Variants in RALYL observed in about 807,000 individuals in gnomAD.
RALYL encodes the protein RALY RNA binding protein like.
A neutral mutation model predicts 35.1 loss-of-function variants in RALYL; 29 were observed. The observed-to-expected ratio is 0.83, with a 90% CI of 0.61 to 1.13. The LOEUF (loss-of-function observed/expected upper bound fraction) is 1.13, where lower values mean the gene tolerates loss of function less well. Among genes scored for constraint, RALYL ranks in the 50% most tolerant of loss-of-function variants. RALYL has a pLI of 0.00. For synonymous variants in RALYL, 120 were observed against 127.6 expected (o/e 0.94, Z 0.40); for missense variants, 359 against 360.4 (o/e 1.00, Z 0.03).
At chr8:84,812,001 A>G (rs1826014405) in intron 4 of RALYL, among the ~76,000 whole-genome samples, 1 of 152,030 alleles carries the variant, frequency 6.6e-6, no homozygotes, top group Non-Finnish European at 1.5e-5. Context: ...TTTTTCAGGT[A>G]AATCGGGGAT....
chr8:84,692,042 A>G (rs1208201075), intron 2 of RALYL, among the ~76,000 whole-genome samples: 1 of 152,038 alleles, frequency 6.6e-6, no homozygotes, highest in Non-Finnish European at 1.5e-5. Context: ...TGATTTTTAA[A>G]AAAAACTTTG....
At chr8:84,917,599 C>T (rs1362247939) in intron 8 of RALYL, among the ~76,000 whole-genome samples, 1 of 150,712 alleles carries the variant, frequency 6.6e-6, no homozygotes, top group Non-Finnish European at 1.5e-5. Context: ...GTTAAAATCT[C>T]AGATGATTCT....
intron 4 of RALYL, 46 bp from the exon 5 acceptor site, chr8:84,849,934 T>C: frequency 2.9e-6 from 3 of 1,031,322 alleles, no homozygotes; most frequent in Non-Finnish European, 4.2e-6. Context: ...ATAAAATTAA[T>C]GTCATTGAAA....
At chr8:84,706,755 C>T (rs1564407693) in intron 2 of RALYL, among the ~76,000 whole-genome samples, 1 of 152,106 alleles carries the variant, frequency 6.6e-6, no homozygotes, top group Admixed American at 6.6e-5. Context: ...TGCTAAAAAT[C>T]AAAAGATTGT....
chr8:84,354,202 TA>T (rs1006602125), intron 1 of RALYL, among the ~76,000 whole-genome samples: 37 of 150,326 alleles, frequency 2.5e-4, no homozygotes, highest in Non-Finnish European at 4.1e-4. Context: ...CCACCCTGAT[TA>T]AAAACAGTTT....
chr8:84,827,856 G>A (rs1434019602), intron 4 of RALYL, among the ~76,000 whole-genome samples: 1 of 151,990 alleles, frequency 6.6e-6, no homozygotes, highest in African/African-American at 2.4e-5. Context: ...GCAATAATTT[G>A]TTCATAAGTA....
intron 2 of RALYL, among the ~76,000 whole-genome samples, chr8:84,617,323 G>A (rs1043944806): frequency 5.3e-5 from 8 of 151,500 alleles, no homozygotes; most frequent in African/African-American, 2.0e-4. Flanking sequence ...TTGTAAGTTG[G>A]ATTCCTAGGT....
rs547552582 is a variant in RALYL at position 84,841,172 on chromosome 8, C to A, written c.366-8808C>A. ...GCTCCAATTAAAAGACACAGACTGG[C>A]AAATTGGATAAAGAGTCAAGACCCA... On this transcript the variant is annotated intron_variant, in intron 4 of 8. Transcript: ENST00000521268. Among the ~76,000 whole-genome samples the A allele has an allele frequency of 1.1e-4, 17 of 152,188 alleles. No homozygotes were observed. In the East Asian group the frequency reaches 3.1e-3, roughly 28 times the overall value.
At chr8:84,698,473 C>G (rs931036502) in intron 2 of RALYL, among the ~76,000 whole-genome samples, 2 of 151,916 alleles carry the variant, frequency 1.3e-5, no homozygotes, top group African/African-American at 2.4e-5. Context: ...AGATATCATA[C>G]AGTGGAGTGC....
intron 8 of RALYL, among the ~76,000 whole-genome samples, chr8:84,896,506 C>CT (rs1394393151): frequency 6.6e-6 from 1 of 152,142 alleles, no homozygotes; most frequent in East Asian, 1.9e-4. Context: ...TAATAACTGC[C>CT]TACCTTGCTT....
intron 1 of RALYL, among the ~76,000 whole-genome samples, chr8:84,192,864 T>G (rs567047378): frequency 7.8e-6 from 1 of 128,110 alleles, no homozygotes; most frequent in Admixed American, 8.6e-5. Context: ...TTCTTATGAG[T>G]CATCAAAGGA....
At chr8:84,428,020 A>G (rs2046694757) in intron 1 of RALYL, among the ~76,000 whole-genome samples, 1 of 152,030 alleles carries the variant, frequency 6.6e-6, no homozygotes, top group Admixed American at 6.6e-5. Context: ...AGATTGCCAG[A>G]GAGACTTTTT....
chr8:84,208,254 A>T (rs963457589), intron 1 of RALYL, among the ~76,000 whole-genome samples: 1 of 152,178 alleles, frequency 6.6e-6, no homozygotes, highest in Non-Finnish European at 1.5e-5. Flanking sequence ...AGAAACAAAA[A>T]TTTTAGTGTT....
At chr8:84,447,605 C>T (rs2133108628) in intron 1 of RALYL, among the ~76,000 whole-genome samples, 1 of 152,164 alleles carries the variant, frequency 6.6e-6, no homozygotes, top group South Asian at 2.1e-4. Context: ...TCCATCCATT[C>T]ATTCCTTCAT....
chr8:84,725,860 A>G (rs1844856187), intron 2 of RALYL, among the ~76,000 whole-genome samples: 1 of 151,678 alleles, frequency 6.6e-6, no homozygotes, highest in African/African-American at 2.4e-5. Flanking sequence ...ATTTTTCTGG[A>G]TGTATATAGG....
chr8:84,277,739 A>G (rs1057224332), intron 1 of RALYL, among the ~76,000 whole-genome samples: 1 of 152,242 alleles, frequency 6.6e-6, no homozygotes, highest in Non-Finnish European at 1.5e-5. Context: ...TCAGAAATCC[A>G]GCAGGGCAAT....
At chr8:84,875,286 A>C (rs1424620905) in intron 7 of RALYL, among the ~76,000 whole-genome samples, 1 of 152,156 alleles carries the variant, frequency 6.6e-6, no homozygotes, top group Non-Finnish European at 1.5e-5. Flanking sequence ...AGTTTAAAGG[A>C]TTATGGAGAA....
chr8:84,813,626 C>G (rs752813916), intron 4 of RALYL, among the ~76,000 whole-genome samples: 4 of 152,160 alleles, frequency 2.6e-5, no homozygotes, highest in Admixed American at 1.3e-4. Context: ...ATGAATAAAT[C>G]ACTGCTAAAT....
chr8:84,267,391 T>G (rs1480537672), intron 1 of RALYL, among the ~76,000 whole-genome samples: 1 of 152,192 alleles, frequency 6.6e-6, no homozygotes, highest in African/African-American at 2.4e-5. Flanking sequence ...TGATCTTTCA[T>G]TCTTATTTAA....
Sources: gnomAD v4.1 joint callset for allele counts (sites outside exome capture counted in the v4.1 genomes callset) on GRCh38, gnomAD v4.1.1 for gene constraint, MANE v1.5 for transcripts, NCBI Gene and HGNC (gene_info 2026-07-23, HGNC 2026-07-21) for gene names.